Variants in SKAP2 observed in about 807,000 individuals in gnomAD.
SKAP2 encodes the protein src kinase-associated phosphoprotein 2.
Under a neutral mutation model 54.9 loss-of-function variants are expected in SKAP2, and 28 were observed. That is an observed-to-expected ratio of 0.51 (90% CI 0.38 to 0.70). SKAP2 has a LOEUF of 0.70. SKAP2 is among the 30% of genes least tolerant of loss of function. The probability of loss-of-function intolerance (pLI) is 0.00; values close to 1 mark genes in which losing one functional copy is unlikely to be tolerated. For synonymous variants in SKAP2, 137 were observed against 134.3 expected (o/e 1.02, Z -0.14); for missense variants, 356 against 424.1 (o/e 0.84, Z 1.41).
chr7:26,702,908 G>A (rs937873339), intron 9 of SKAP2, among the ~76,000 whole-genome samples: 4 of 152,192 alleles, frequency 2.6e-5, no homozygotes, highest in Non-Finnish European at 4.4e-5. Flanking sequence ...ATACCACCAC[G>A]ATGTGGTATT....
intron 9 of SKAP2, among the ~76,000 whole-genome samples, chr7:26,701,587 G>A (rs1245272616): frequency 6.6e-6 from 1 of 152,028 alleles, no homozygotes; most frequent in East Asian, 1.9e-4. Context: ...ACAAAAATTA[G>A]CCAGGTGTGG....
At chr7:26,728,562 C>T (rs1480710353) in intron 6 of SKAP2, among the ~76,000 whole-genome samples, 1 of 151,864 alleles carries the variant, frequency 6.6e-6, no homozygotes, top group Non-Finnish European at 1.5e-5. Context: ...TGTAAATTCT[C>T]AAAAAAAGAC....
At chr7:26,811,200 A>G (rs751637612) in intron 4 of SKAP2, among the ~76,000 whole-genome samples, 19 of 152,064 alleles carry the variant, frequency 1.2e-4, no homozygotes, top group Non-Finnish European at 2.2e-4. Flanking sequence ...AAAGACCTAA[A>G]TTTCTACCTC....
chr7:26,673,395 A>G (rs1048251194), intron 11 of SKAP2, among the ~76,000 whole-genome samples: 2 of 152,076 alleles, frequency 1.3e-5, no homozygotes, highest in Non-Finnish European at 2.9e-5. Flanking sequence ...CCTTTGTAGG[A>G]CGTGTAATTA....
intron 9 of SKAP2, among the ~76,000 whole-genome samples, chr7:26,694,729 A>G (rs1203422931): frequency 2.6e-5 from 4 of 152,012 alleles, no homozygotes; most frequent in Non-Finnish European, 5.9e-5. Context: ...GAGTTAAGCA[A>G]AGAGAGGAAG....
chr7:26,858,288 C>G (rs950289551), intron 1 of SKAP2: 1 of 152,372 alleles, frequency 6.6e-6, no homozygotes, highest in African/African-American at 2.4e-5. Context: ...TCCACCCCAG[C>G]CCAAGTCATC....
At chr7:26,835,672 T>C (rs985653298) in intron 4 of SKAP2, among the ~76,000 whole-genome samples, 3 of 147,646 alleles carry the variant, frequency 2.0e-5, no homozygotes, top group African/African-American at 7.4e-5. Context: ...TACAAACCAC[T>C]GCTCAAGGAA....
At chr7:26,680,595 A>AT (rs764751299) in intron 11 of SKAP2, among the ~76,000 whole-genome samples, 1 of 152,210 alleles carries the variant, frequency 6.6e-6, no homozygotes, top group Non-Finnish European at 1.5e-5. Flanking sequence ...AATTTGATCC[A>AT]TTTTTTAAGA....
Position 26,826,094 on chromosome 7 carries a change from T to A in SKAP2, c.307+17936A>T, listed in dbSNP as rs1365376755. Among the ~76,000 whole-genome samples, 13 of 149,020 alleles carry A rather than the reference T, an allele frequency of 8.7e-5. No individual in the cohort carries two copies. The Admixed American group carries it at 8.8e-4, about 10-fold the overall frequency. ...CACAAACTCTTTTTTGGGCACACGA[T>A]CCAGACCTAGCCAATTCGTGCAATA... On this transcript the variant is annotated intron_variant, in intron 4 of 12. Transcript: ENST00000345317.
intron 4 of SKAP2, among the ~76,000 whole-genome samples, chr7:26,803,109 A>G (rs544710391): frequency 9.8e-5 from 15 of 152,318 alleles, no homozygotes; most frequent in South Asian, 2.1e-4. Context: ...CAAAGCAAAC[A>G]TGGACAAATG....
chr7:26,684,458 A>G (rs1339755982), intron 11 of SKAP2, among the ~76,000 whole-genome samples: 1 of 152,210 alleles, frequency 6.6e-6, no homozygotes, highest in Non-Finnish European at 1.5e-5. Context: ...ACTTTCACAT[A>G]AGTATATTGT....
intron 7 of SKAP2, among the ~76,000 whole-genome samples, chr7:26,726,187 G>A (rs1160513207): frequency 6.6e-6 from 1 of 152,090 alleles, no homozygotes; most frequent in Non-Finnish European, 1.5e-5. Flanking sequence ...TTCAAACGCT[G>A]ATCAGCAGCT....
intron 4 of SKAP2, among the ~76,000 whole-genome samples, chr7:26,822,664 A>C (rs1012567762): frequency 4.6e-5 from 7 of 151,498 alleles, no homozygotes; most frequent in Non-Finnish European, 1.0e-4. Flanking sequence ...TCACGAGGTC[A>C]GGAGATCGAG....
chr7:26,662,393 A>G (rs1162177319), downstream of SKAP2, among the ~76,000 whole-genome samples: 1 of 152,124 alleles, frequency 6.6e-6, no homozygotes, highest in Non-Finnish European at 1.5e-5. Context: ...TAAGGTTCAG[A>G]TATCACAAAA....
At chr7:26,857,544 A>G in intron 1 of SKAP2, 17 of 985,354 alleles carry the variant, frequency 1.7e-5, no homozygotes, top group Non-Finnish European at 2.0e-5. Flanking sequence ...TGAGCAACAC[A>G]CCGATCCTGA....
intron 6 of SKAP2, among the ~76,000 whole-genome samples, chr7:26,733,685 C>T (rs1446709754): frequency 6.6e-6 from 1 of 152,016 alleles, no homozygotes; most frequent in African/African-American, 2.4e-5. Context: ...AATTTTATTT[C>T]TCTGCCAAGT....
chr7:26,835,152 A>C (rs1784680331), intron 4 of SKAP2, among the ~76,000 whole-genome samples: 1 of 152,240 alleles, frequency 6.6e-6, no homozygotes, highest in African/African-American at 2.4e-5. Flanking sequence ...GCAGCCCTTC[A>C]TGCAAAAAAC....
intron 4 of SKAP2, among the ~76,000 whole-genome samples, chr7:26,785,145 T>TG (rs1783514778): frequency 6.6e-6 from 1 of 152,090 alleles, no homozygotes; most frequent in African/African-American, 2.4e-5. Context: ...ACCCAAGTTC[T>TG]GGAAAAAAGA....
chr7:26,659,523 A>G, the SKAP2 span, among the ~76,000 whole-genome samples: 4 of 152,196 alleles, frequency 2.6e-5, no homozygotes, highest in South Asian at 2.1e-4. Context: ...AGGGAGCAGT[A>G]ATGTAAATTT....
Sources: allele counts gnomAD v4.1 joint callset (sites outside exome capture counted in the v4.1 genomes callset), GRCh38; gene constraint gnomAD v4.1.1; transcripts MANE v1.5; gene names NCBI Gene and HGNC (gene_info 2026-07-23, HGNC 2026-07-21).